Variants in OGDH observed in about 807,000 individuals in gnomAD.
OGDH encodes oxoglutarate dehydrogenase, also known as 2-oxoglutarate dehydrogenase complex component E1.
A neutral mutation model predicts 116.6 loss-of-function variants in OGDH; 38 were observed. The ratio of observed to expected loss-of-function variants is 0.33; its 90% CI spans 0.25 to 0.43. OGDH has a LOEUF of 0.43. OGDH is among the 20% of genes least tolerant of loss of function. The pLI is 1.00. For missense variants in OGDH, 825 were observed against 1,357.2 expected (o/e 0.61, Z 6.16); for synonymous variants, 488 against 533.3 (o/e 0.92, Z 1.17).
At chr7:44,674,273 G>A (rs1413454891) in intron 6 of OGDH, 138 bp from the exon 7 acceptor site, 34 of 989,458 alleles carry the variant, frequency 3.4e-5, no homozygotes, top group Admixed American at 1.9e-4. Flanking sequence ...TCGAACTCCT[G>A]ACCTCAGCTG....
chr7:44,675,072 T>A, intron 7 of OGDH, 106 bp from the exon 8 acceptor site: 3 of 814,280 alleles, frequency 3.7e-6, no homozygotes, highest in Non-Finnish European at 6.1e-6. Flanking sequence ...ACCGAGGAGG[T>A]GCCGTGTCCT....
At chr7:44,663,625 C>T (rs1046273410) in intron 4 of OGDH, among the ~76,000 whole-genome samples, 3 of 152,096 alleles carry the variant, frequency 2.0e-5, no homozygotes, top group African/African-American at 4.8e-5. Flanking sequence ...AAAAATTAGC[C>T]GAGTGTGGTG....
intron 20 of OGDH, among the ~76,000 whole-genome samples, chr7:44,702,553 T>G (rs993647246): frequency 1.3e-5 from 2 of 151,844 alleles, no homozygotes; most frequent in Admixed American, 6.6e-5. Context: ...TTTTTGGGGG[T>G]TTTTTCCCAA....
intron 2 of OGDH, among the ~76,000 whole-genome samples, chr7:44,643,427 G>C (rs923778038): frequency 4.6e-5 from 7 of 152,242 alleles, no homozygotes; most frequent in Admixed American, 4.6e-4. Flanking sequence ...GAAAAAAAAA[G>C]TATTCCACAA....
chr7:44,705,702 C>A (rs1222176351), intron 20 of OGDH, among the ~76,000 whole-genome samples: 2 of 152,086 alleles, frequency 1.3e-5, no homozygotes, highest in Non-Finnish European at 2.9e-5. Flanking sequence ...TGTGCCCAGA[C>A]TTTTATTCTG....
Position 44,697,274 on chromosome 7 carries a change from C to CA in OGDH, c.2052-95dup. 1 of 1,548,874 alleles carries CA rather than the reference C, an allele frequency of 6.5e-7. No individual in the cohort carries two copies. The highest frequency in any genetic ancestry group is 8.8e-7 in the Non-Finnish European group (1 of 1,135,924). ...GCTGCCTGGCCAGAAGTCCAGGTCACAGAGCATGGCATCTGCTGGTGCTTC... is the reference window on the plus strand; with the variant it reads ...GCTGCCTGGCCAGAAGTCCAGGTCACAAGAGCATGGCATCTGCTGGTGCTTC... On this transcript the variant is annotated intron_variant, in intron 15 of 22. Coordinates refer to ENST00000222673, the MANE Select transcript of OGDH (RefSeq NM_002541.4). This position sits in a 1 kb window ranked among gnomAD's most constrained non-coding sequence, Gnocchi z 6.0.
chr7:44,695,023 G>C (rs1372910167), intron 12 of OGDH, among the ~76,000 whole-genome samples: 3 of 152,166 alleles, frequency 2.0e-5, no homozygotes, highest in African/African-American at 7.2e-5. Flanking sequence ...GAACAGGACA[G>C]ATCCCAGATC....
At chr7:44,681,374 G>A (rs1209790211) in intron 9 of OGDH, among the ~76,000 whole-genome samples, 1 of 152,196 alleles carries the variant, frequency 6.6e-6, no homozygotes, top group Non-Finnish European at 1.5e-5. Context: ...AAGTGATGCT[G>A]CCCTCCCATG....
chr7:44,691,008 A>G (rs1015368806), intron 10 of OGDH, among the ~76,000 whole-genome samples: 1 of 152,148 alleles, frequency 6.6e-6, no homozygotes, highest in Non-Finnish European at 1.5e-5. Context: ...AGATTATGTA[A>G]AAGCCATTAA....
intron 20 of OGDH, among the ~76,000 whole-genome samples, chr7:44,703,114 CT>C (rs1038409469): frequency 1.3e-5 from 2 of 151,060 alleles, no homozygotes; most frequent in East Asian, 1.9e-4. Flanking sequence ...GTCAGAATTT[CT>C]TTTTTTTTAA....
At chr7:44,696,590 T>C in intron 14 of OGDH, 33 bp downstream of exon 14, 1 of 1,613,628 alleles carries the variant, frequency 6.2e-7, no homozygotes, top group Admixed American at 1.7e-5. Context: ...GTGGAAATGT[T>C]GGGGCCCAGG....
intron 1 of OGDH, among the ~76,000 whole-genome samples, chr7:44,616,873 G>A (rs1157650269): frequency 2.5e-5 from 3 of 121,650 alleles, no homozygotes; most frequent in Non-Finnish European, 5.0e-5. Flanking sequence ...ATATATATAC[G>A]TATATATATA....
chr7:44,647,480 G>A (rs781250566), intron 3 of OGDH, 177 bp from the exon 4 acceptor site: 10 of 1,538,736 alleles, frequency 6.5e-6, no homozygotes, highest in East Asian at 2.4e-5. Context: ...TGATCCTCTC[G>A]GAATTAGTTG....
intron 10 of OGDH, among the ~76,000 whole-genome samples, chr7:44,682,868 G>A (rs1014592160): frequency 6.6e-6 from 1 of 150,922 alleles, no homozygotes; most frequent in African/African-American, 2.4e-5. Flanking sequence ...AAATAAATAG[G>A]CTGGGCGTGG....
intron 10 of OGDH, among the ~76,000 whole-genome samples, chr7:44,687,031 A>G (rs1463052243): frequency 1.3e-5 from 2 of 149,484 alleles, no homozygotes; most frequent in Non-Finnish European, 3.0e-5. Context: ...GTATCTTGGC[A>G]TGAATTTCTT....
intron 1 of OGDH, among the ~76,000 whole-genome samples, chr7:44,615,180 G>T (rs1784722528): frequency 6.6e-6 from 1 of 152,112 alleles, no homozygotes; most frequent in Admixed American, 6.6e-5. Context: ...CTTGCAACCT[G>T]GACATTCTGG....
intron 2 of OGDH, among the ~76,000 whole-genome samples, chr7:44,640,776 G>C (rs1291271289): frequency 1.3e-5 from 2 of 152,134 alleles, no homozygotes; most frequent in African/African-American, 4.8e-5. Context: ...TGTGGCCCCA[G>C]GGAACTAAGT....
intron 1 of OGDH, among the ~76,000 whole-genome samples, chr7:44,623,717 C>G (rs980289566): frequency 6.6e-6 from 1 of 152,202 alleles, no homozygotes; most frequent in Non-Finnish European, 1.5e-5. Flanking sequence ...GCAATCTCGG[C>G]TCACTGCAGC....
At chr7:44,629,407 C>G (rs1056386920) in intron 2 of OGDH, among the ~76,000 whole-genome samples, 2 of 152,132 alleles carry the variant, frequency 1.3e-5, no homozygotes, top group African/African-American at 4.8e-5. Flanking sequence ...ATCATTGGCC[C>G]TGCTTTTCTT....
Sources: allele counts gnomAD v4.1 joint callset (sites outside exome capture counted in the v4.1 genomes callset), GRCh38; gene constraint gnomAD v4.1.1; non-coding constraint Gnocchi (gnomAD v3.1); transcripts MANE v1.5; gene names NCBI Gene and HGNC (gene_info 2026-07-23, HGNC 2026-07-21).